ZNF324: variants seen among roughly 807,000 people sequenced by gnomAD.
The protein encoded by ZNF324 is zinc finger protein 324, also known as zinc finger protein 324A.
Under a neutral mutation model 10.3 loss-of-function variants are expected in ZNF324, and 3 were observed. That is an observed-to-expected ratio of 0.29 (90% CI 0.13 to 0.75). The LOEUF is 0.75. ZNF324 is among the 30% of genes least tolerant of loss of function. The pLI is 0.69. For missense variants in ZNF324, 763 were observed against 784.4 expected (o/e 0.97, Z 0.33); for synonymous variants, 430 against 339.5 (o/e 1.27, Z -2.93).
chr19:58,471,929 G>A lies in ZNF324; in HGVS notation c.1437G>A (p.Lys479=), dbSNP rs188886952. The A allele has an allele frequency of 2.5e-5, 40 of 1,610,052 alleles. No individual in the cohort carries two copies. The East Asian group carries it at 8.5e-4, about 34-fold the overall frequency. ...LSHRRIHTGE[K]PFVCTQCGRA... is the part of the protein sequence containing the mutation. ...ACCGGCGCATTCACACGGGCGAGAA[G>A]CCCTTCGTGTGTACGCAGTGTGGCC... Residue 479 remains lysine, a synonymous_variant, in exon 4 of 4, where the codon AAG becomes AAA. Coordinates refer to ENST00000196482, the MANE Select transcript of ZNF324 (RefSeq NM_014347.3).
At chr19:58,468,625 TG>T (rs1368285256) in intron 1 of ZNF324, among the ~76,000 whole-genome samples, 2 of 151,986 alleles carry the variant, frequency 1.3e-5, no homozygotes, top group Admixed American at 6.5e-5. Flanking sequence ...AGGGTGCATC[TG>T]GGGAGGGTCA....
rs768921908 is a variant in ZNF324, at chr19:58,471,048, G to C, written c.556G>C (p.Gly186Arg). 6.2e-6 allele frequency: 10 copies of C among 1,613,880 alleles called. No individual in the cohort carries two copies. Among genetic ancestry groups the C allele is most frequent in the Middle Eastern group, 1.6e-4 (1 of 6,084 alleles). The change falls in exon 4 of 4, where the codon GGG becomes CGG. Residue 186 changes from glycine (G) to arginine (R), a missense_variant. Transcript: ENST00000196482. The stretch of plus-strand genomic sequence containing the variant: ...GACACTCACAGAGCATGCGTTGCTG[G>C]GGAGGCAGCCCAGGACGCCTGAGCG... ...EKTLTEHALLGRQPRTPERQK... is the reference protein window; with the variant it reads ...EKTLTEHALLRRQPRTPERQK...
In ZNF324 at chr19:58,472,326, A is replaced by G; in HGVS notation, c.*172A>G. 1.5e-6 allele frequency: 1 copy of G among 672,192 alleles called. No individual in the cohort carries two copies. Among genetic ancestry groups the G allele is most frequent in the Non-Finnish European group, 2.4e-6 (1 of 408,212 alleles). The allele number at this position is 672,192 out of a possible 1,614,324, so 41.6% of individuals were successfully genotyped here. A position where few individuals can be genotyped will look rare whatever the true frequency, so the allele number is the denominator to read the frequency against. ...GGGGACAGGATTTGCCAGTTCACCC[A>G]CAGATCACACCTCCATCCCCAAAGA... On this transcript the variant is annotated 3_prime_UTR_variant, in exon 4 of 4. Coordinates refer to ENST00000196482, the MANE Select transcript of ZNF324 (RefSeq NM_014347.3).
At chr19:58,469,105 T>C (rs1265962038) in intron 1 of ZNF324, 75 bp from the exon 2 acceptor site, 3 of 1,589,626 alleles carry the variant, frequency 1.9e-6, no homozygotes, top group African/African-American at 2.7e-5. Context: ...CTTCTTCCAA[T>C]GTGGCCCAGG....
intron 2 of ZNF324, 99 bp downstream of exon 2, chr19:58,469,405 C>T: frequency 1.3e-6 from 2 of 1,493,856 alleles, no homozygotes; most frequent in South Asian, 1.3e-5. Context: ...CAGGCCTATA[C>T]CTTGCAGCCA....
At chr19:58,469,906 G>A in intron 3 of ZNF324, 62 bp downstream of exon 3, 2 of 1,399,384 alleles carry the variant, frequency 1.4e-6, no homozygotes, top group Non-Finnish European at 2.0e-6. Flanking sequence ...CTCTGTCCCT[G>A]GTTCCCAGAC....
Position 58,469,153 on chromosome 19 carries a change from G to A in ZNF324, c.-6-27G>A, listed in dbSNP as rs562259853. The stretch of plus-strand genomic sequence containing the variant: ...TTGGATAACCCAGCCTTAGACCATG[G>A]CTGTCTCTTCCTCCCTGCTCTTTTA... On this transcript the variant is annotated intron_variant, in intron 1 of 3. Coordinates refer to ENST00000196482, the MANE Select transcript of ZNF324 (RefSeq NM_014347.3). 5.0e-6 allele frequency: 8 copies of A among 1,613,996 alleles called. No homozygotes were observed. In the East Asian group the frequency reaches 1.6e-4, roughly 31 times the overall value.
In ZNF324 at chr19:58,472,891, CGGCCT is replaced by C. The variant is rs1006704358; in HGVS notation, c.*746_*750del. The C allele has an allele frequency of 2.6e-5, 4 of 152,768 alleles. No individual in the cohort carries two copies. Among genetic ancestry groups the C allele is most frequent in the South Asian group, 2.1e-4 (1 of 4,836 alleles). 9.5% of individuals were successfully genotyped at this position (152,768 alleles called of 1,614,324 possible). On this transcript the variant is annotated 3_prime_UTR_variant, in exon 4 of 4. Transcript: ENST00000196482. ...TGGAAGATGAGGAAACTGAGGCACA[CGGCCT>C]GGCCTGGCTTCACACACATAGCCGA...
Position 58,471,932 on chromosome 19 carries a change from CT to C in ZNF324, c.1442del (p.Phe481SerfsTer84), listed in dbSNP as rs1366208472. ...GGCGCATTCACACGGGCGAGAAGCC[CT>C]TCGTGTGTACGCAGTGTGGCCGCGC... The part of the protein sequence containing the change: ...HRRIHTGEKP[F>X]VCTQCGRAFR... On this transcript the variant is annotated frameshift_variant, in exon 4 of 4. Coordinates refer to ENST00000196482, the MANE Select transcript of ZNF324 (RefSeq NM_014347.3). LOFTEE classifies it low-confidence loss of function (END_TRUNC). 1 of 1,609,942 alleles carries C rather than the reference CT, an allele frequency of 6.2e-7. No homozygotes were observed. Among genetic ancestry groups the C allele is most frequent in the Non-Finnish European group, 8.5e-7 (1 of 1,178,994 alleles).
Position 58,474,601 on chromosome 19 carries a change from GCCCCTCGGCTGACCTCCCTCCAACCTC to G in ZNF324, c.*2454_*2480del, listed in dbSNP as rs776828750. The G allele has an allele frequency of 3.9e-5, 6 of 151,938 alleles. No individual in the cohort carries two copies. The highest frequency in any genetic ancestry group is 9.7e-5 in the African/African-American group (4 of 41,344). The allele number at this position is 151,938 out of a possible 1,614,324, so 9.4% of individuals were successfully genotyped here. ...GGCTCCCACCTCCATGCAGGTCTTGGCCCCTCGGCTGACCTCCCTCCAACCTCCCCCTCTGCTCTTAATTTTGAATAG... is the reference window on the plus strand; with the variant it reads ...GGCTCCCACCTCCATGCAGGTCTTGGCCCCTCTGCTCTTAATTTTGAATAG... On this transcript the variant is annotated 3_prime_UTR_variant, in exon 4 of 4. Coordinates refer to ENST00000196482, the MANE Select transcript of ZNF324 (RefSeq NM_014347.3).
At position 58,472,435 on chromosome 19, in the gene ZNF324, G is replaced by A. The variant is rs1010477743; in HGVS notation, c.*281G>A. 8.3e-6 allele frequency: 4 copies of A among 483,948 alleles called. No individual in the cohort carries two copies. Among genetic ancestry groups the A allele is most frequent in the Admixed American group, 3.5e-5 (1 of 28,782 alleles). 30.0% of individuals were successfully genotyped at this position (483,948 alleles called of 1,614,324 possible). A position where few individuals can be genotyped will look rare whatever the true frequency, so the allele number is the denominator to read the frequency against. On this transcript the variant is annotated 3_prime_UTR_variant, in exon 4 of 4. Coordinates refer to ENST00000196482, the MANE Select transcript of ZNF324 (RefSeq NM_014347.3). ...GACTATTCAGAGCCAGTAGGAGGCC[G>A]ACAGTCACAGCACTGCACTGTGGTG... is the stretch of plus-strand genomic sequence containing the variant.
chr19:58,468,602 T>C (rs1178454922), intron 1 of ZNF324, among the ~76,000 whole-genome samples: 1 of 152,020 alleles, frequency 6.6e-6, no homozygotes, highest in Non-Finnish European at 1.5e-5. Flanking sequence ...AGTTTCTTGC[T>C]ACAAGAGCAG....
Position 58,474,819 on chromosome 19 carries a change from C to T in ZNF324, c.*2665C>T, listed in dbSNP as rs1464941946. 6.6e-6 allele frequency: 1 copy of T among 152,282 alleles called. No homozygotes were observed. Among genetic ancestry groups the T allele is most frequent in the African/African-American group, 2.4e-5 (1 of 41,424 alleles). 9.4% of individuals were successfully genotyped at this position (152,282 alleles called of 1,614,324 possible). A position where few individuals can be genotyped will look rare whatever the true frequency, so the allele number is the denominator to read the frequency against. On this transcript the variant is annotated 3_prime_UTR_variant, in exon 4 of 4. Transcript: ENST00000196482. ...AGAGGAGTCAGGAGCAATGGCATTC[C>T]TAAGCTAGAAGTGGGTGAGAGCTGT... is the stretch of plus-strand genomic sequence containing the variant.
In ZNF324 at chr19:58,472,852, C is replaced by G. The variant is rs1206179324; in HGVS notation, c.*698C>G. 6.6e-6 allele frequency: 1 copy of G among 152,564 alleles called. No homozygotes were observed. Among genetic ancestry groups the G allele is most frequent in the Non-Finnish European group, 1.5e-5 (1 of 68,196 alleles). 9.5% of individuals were successfully genotyped at this position (152,564 alleles called of 1,614,324 possible). On this transcript the variant is annotated 3_prime_UTR_variant, in exon 4 of 4. Coordinates refer to ENST00000196482, the MANE Select transcript of ZNF324 (RefSeq NM_014347.3). The stretch of plus-strand genomic sequence containing the variant: ...GAAGCCCTGTGAGATGGCTCTGTGG[C>G]TGGTATCCCGACTTGGAAGATGAGG...
In ZNF324 at chr19:58,470,723, G is replaced by A. The variant is rs916337278; in HGVS notation, c.239-8G>A. On this transcript the variant is annotated splice_polypyrimidine_tract_variant and splice_region_variant and intron_variant, in intron 3 of 3. Coordinates refer to ENST00000196482, the MANE Select transcript of ZNF324 (RefSeq NM_014347.3). Reference sequence around the variant, plus strand: ...TGCCCCAGGCAACCACTGTTTCTCTGCCTTTAGGTTCCTGGAGTTTGACAG... The same window carrying A: ...TGCCCCAGGCAACCACTGTTTCTCTACCTTTAGGTTCCTGGAGTTTGACAG... The A allele has an allele frequency of 6.8e-6, 11 of 1,614,078 alleles. No individual in the cohort carries two copies. The African/African-American group carries it at 1.5e-4, about 22-fold the overall frequency.
chr19:58,472,455 G>C lies in ZNF324; in HGVS notation c.*301G>C, dbSNP rs2053045685. The C allele has an allele frequency of 4.8e-6, 2 of 414,548 alleles. No homozygotes were observed. Among genetic ancestry groups the C allele is most frequent in the South Asian group, 1.0e-4 (2 of 19,252 alleles). 25.7% of individuals were successfully genotyped at this position (414,548 alleles called of 1,614,324 possible). A position where few individuals can be genotyped will look rare whatever the true frequency, so the allele number is the denominator to read the frequency against. On this transcript the variant is annotated 3_prime_UTR_variant, in exon 4 of 4. Coordinates refer to ENST00000196482, the MANE Select transcript of ZNF324 (RefSeq NM_014347.3). Reference sequence around the variant, plus strand: ...AGGCCGACAGTCACAGCACTGCACTGTGGTGCGGCTTCATGTGATATGACA... The same window carrying C: ...AGGCCGACAGTCACAGCACTGCACTCTGGTGCGGCTTCATGTGATATGACA...
rs771772166 is a variant in ZNF324, at chr19:58,472,693, C to T, written c.*539C>T. 1.3e-5 allele frequency: 2 copies of T among 153,510 alleles called. No individual in the cohort carries two copies. Among genetic ancestry groups the T allele is most frequent in the Admixed American group, 6.5e-5 (1 of 15,370 alleles). The allele number at this position is 153,510 out of a possible 1,614,324, so 9.5% of individuals were successfully genotyped here. A position where few individuals can be genotyped will look rare whatever the true frequency, so the allele number is the denominator to read the frequency against. ...GGATCAGGGTCTGGGCTCTGTCAGC[C>T]GCCACCTCTGGGAAAGAGAAAAGGT... is the stretch of plus-strand genomic sequence containing the variant. On this transcript the variant is annotated 3_prime_UTR_variant, in exon 4 of 4. Coordinates refer to ENST00000196482, the MANE Select transcript of ZNF324 (RefSeq NM_014347.3).
In ZNF324 at chr19:58,474,685, A is replaced by G. The variant is rs758235741; in HGVS notation, c.*2531A>G. 4 of 152,134 alleles carry G rather than the reference A, an allele frequency of 2.6e-5. No individual in the cohort carries two copies. Among genetic ancestry groups the G allele is most frequent in the Non-Finnish European group, 5.9e-5 (4 of 68,034 alleles). The allele number at this position is 152,134 out of a possible 1,614,324, so 9.4% of individuals were successfully genotyped here. On this transcript the variant is annotated 3_prime_UTR_variant, in exon 4 of 4. Transcript: ENST00000196482. ...ACTGTAAAAGTATCCCTGGGCTTCT[A>G]TGTCAAAAGGTCAGACTGAACACAT...
At position 58,472,134 on chromosome 19, in the gene ZNF324, T is replaced by C. The variant is rs1047573797; in HGVS notation, c.1642T>C (p.Ser548Pro). The change falls in exon 4 of 4, where the codon TCG becomes CCG. Residue 548 changes from serine to proline, a missense_variant. Physicochemically the swap from Ser to Pro is moderately conservative, Grantham distance 74 (BLOSUM62 -1). This residue lies in a region of ZNF324 where 231 missense variants were observed against 196.0 expected (regional missense o/e 1.18). Coordinates refer to ENST00000196482, the MANE Select transcript of ZNF324 (RefSeq NM_014347.3). ...TCCCGCCTCGGGCCCAGCCGCCGTCTCGCAGCCAGCGGAGGTCTGAGGTCA... is the reference window on the plus strand; with the variant it reads ...TCCCGCCTCGGGCCCAGCCGCCGTCCCGCAGCCAGCGGAGGTCTGAGGTCA... Reference protein sequence around the residue: ...PTPASGPAAVSQPAEV With the variant: ...PTPASGPAAVPQPAEV 6.3e-6 allele frequency: 10 copies of C among 1,586,092 alleles called. No individual in the cohort carries two copies. The highest frequency in any genetic ancestry group is 7.7e-6 in the Non-Finnish European group (9 of 1,167,460).
Sources: gnomAD v4.1 joint callset for allele counts (sites outside exome capture counted in the v4.1 genomes callset) on GRCh38, gnomAD v4.1.1 for gene constraint, gnomAD v4.1.1 regional missense constraint, MANE v1.5 for transcripts, NCBI Gene and HGNC (gene_info 2026-07-23, HGNC 2026-07-21) for gene names.